Variants in LINGO2 observed in about 807,000 individuals in gnomAD.
LINGO2 encodes leucine rich repeat and Ig domain containing 2, also known as leucine-rich repeat and immunoglobulin-like domain-containing nogo receptor-interacting protein 2.
In LINGO2, 14 loss-of-function variants were observed where a neutral mutation model predicts 30.6. The ratio of observed to expected loss-of-function variants is 0.46; its 90% CI spans 0.30 to 0.72. LINGO2 has a LOEUF of 0.72. Among genes scored for constraint, LINGO2 ranks in the 30% least tolerant of loss-of-function variants. The probability of loss-of-function intolerance (pLI) is 0.07; values close to 1 mark genes in which losing one functional copy is unlikely to be tolerated. For synonymous variants in LINGO2, 317 were observed against 288.5 expected (o/e 1.10, Z -1.00); for missense variants, 729 against 751.7 (o/e 0.97, Z 0.35).
the LINGO2 span, among the ~76,000 whole-genome samples, chr9:28,744,092 C>CTATA: frequency 7.6e-6 from 1 of 132,112 alleles, no homozygotes; most frequent in Non-Finnish European, 1.6e-5. Flanking sequence ...TCTTGAACTC[C>CTATA]TATATATATA....
chr9:28,477,484 T>G (rs1262138371), intron 1 of LINGO2, among the ~76,000 whole-genome samples: 1 of 152,176 alleles, frequency 6.6e-6, no homozygotes, highest in African/African-American at 2.4e-5. Context: ...TGACCCAAAT[T>G]GAAATTCTCC....
chr9:28,018,884 C>A (rs1361712990), intron 4 of LINGO2, among the ~76,000 whole-genome samples: 1 of 152,102 alleles, frequency 6.6e-6, no homozygotes, highest in East Asian at 1.9e-4. Context: ...GATACATGCA[C>A]ACATATTCAT....
chr9:28,603,126 A>G (rs746350260), intron 1 of LINGO2, among the ~76,000 whole-genome samples: 3 of 152,106 alleles, frequency 2.0e-5, no homozygotes, highest in Non-Finnish European at 4.4e-5. Flanking sequence ...GTTTAAAATG[A>G]AAATACAGGA....
At position 28,387,552 on chromosome 9, in the gene LINGO2, C is replaced by G. The variant is rs57029580; in HGVS notation, c.-278-14684G>C. Among the ~76,000 whole-genome samples, 6 of 152,340 alleles carry G rather than the reference C, an allele frequency of 3.9e-5. No homozygotes were observed. The East Asian group carries it at 1.2e-3, about 29-fold the overall frequency. On this transcript the variant is annotated intron_variant, in intron 2 of 5. Coordinates refer to ENST00000379992, the Ensembl canonical transcript of LINGO2. ...TTGCAATAAATCTTGGTGCTGCTCA[C>G]TCTTTGGGTCCACACAGTCTTTATG...
the LINGO2 span, among the ~76,000 whole-genome samples, chr9:29,074,732 C>T: frequency 7.6e-6 from 1 of 131,862 alleles, no homozygotes; most frequent in East Asian, 2.3e-4. Flanking sequence ...CTCGCCCAGG[C>T]TGGAGGGCAG....
intron 4 of LINGO2, among the ~76,000 whole-genome samples, chr9:28,034,356 C>T (rs1465083946): frequency 2.0e-5 from 3 of 152,140 alleles, no homozygotes; most frequent in Non-Finnish European, 2.9e-5. Context: ...GAATGTTTCC[C>T]GAGAAGCCCG....
rs12005652 is a variant in LINGO2, at chr9:28,651,918, T to A, written c.-365+18282A>T. On this transcript the variant is annotated intron_variant, in intron 1 of 5. Coordinates refer to ENST00000379992, the Ensembl canonical transcript of LINGO2. ...ACTGGTTTATTACCTTTGTGCACAA[T>A]GTATTCTTTAACTTTATTTACTTGT... Among the ~76,000 whole-genome samples the A allele has an allele frequency of 8.1e-3, 1,239 of 152,234 alleles. 23 individuals are homozygous for A. The highest frequency in any genetic ancestry group is 0.029 in the African/African-American group (1,194 of 41,540).
the LINGO2 span, among the ~76,000 whole-genome samples, chr9:29,070,152 CTTCTA>C: frequency 2.0e-5 from 3 of 151,906 alleles, no homozygotes; most frequent in Admixed American, 2.0e-4. Context: ...CTCCTATTAT[CTTCTA>C]TTAGACTCCC....
At chr9:28,090,752 T>C (rs886523805) in intron 4 of LINGO2, among the ~76,000 whole-genome samples, 2 of 152,042 alleles carry the variant, frequency 1.3e-5, no homozygotes, top group African/African-American at 4.8e-5. Flanking sequence ...GGGTATTCAA[T>C]TAGGAAAAGA....
chr9:28,162,631 G>A (rs573663985), intron 4 of LINGO2, among the ~76,000 whole-genome samples: 14 of 152,150 alleles, frequency 9.2e-5, no homozygotes, highest in African/African-American at 3.4e-4. Context: ...TACTTACTAT[G>A]GATTCAAATT....
At chr9:28,764,167 T>A in the LINGO2 span, among the ~76,000 whole-genome samples, 151,405 of 151,766 alleles carry the variant, frequency 1, 75,530 homozygotes, top group Middle Eastern at 1. Flanking sequence ...TTTTTAACTC[T>A]TCTTACAAGG....
the LINGO2 span, among the ~76,000 whole-genome samples, chr9:28,875,102 G>C: frequency 1.6e-3 from 243 of 152,158 alleles, no homozygotes; most frequent in African/African-American, 5.6e-3. Flanking sequence ...ACTTTGCTTT[G>C]ACAGCAAGAA....
the LINGO2 span, among the ~76,000 whole-genome samples, chr9:28,762,376 T>C: frequency 2.6e-5 from 4 of 151,924 alleles, no homozygotes; most frequent in South Asian, 8.3e-4. Context: ...TAATTCCATT[T>C]TACTCCCCCA....
intron 3 of LINGO2, among the ~76,000 whole-genome samples, chr9:28,334,992 A>G (rs1254397997): frequency 6.6e-6 from 1 of 152,160 alleles, no homozygotes; most frequent in Non-Finnish European, 1.5e-5. Context: ...CAGGGTTAGA[A>G]ATTAAGTTAC....
At chr9:28,667,599 C>T (rs1244198568) in intron 1 of LINGO2, among the ~76,000 whole-genome samples, 1 of 151,998 alleles carries the variant, frequency 6.6e-6, no homozygotes, top group African/African-American at 2.4e-5. Flanking sequence ...CAAAAATTAG[C>T]TGGGCATGGT....
chr9:28,765,337 A>G, the LINGO2 span, among the ~76,000 whole-genome samples: 230 of 152,224 alleles, frequency 1.5e-3, no homozygotes, highest in Non-Finnish European at 2.3e-3. Context: ...AGAGCCAAGA[A>G]TAAAACCCAA....
the LINGO2 span, among the ~76,000 whole-genome samples, chr9:28,806,658 T>C: frequency 6.6e-6 from 1 of 152,112 alleles, no homozygotes; most frequent in South Asian, 2.1e-4. Flanking sequence ...AACATAACCA[T>C]AGTTATCATC....
the LINGO2 span, among the ~76,000 whole-genome samples, chr9:28,826,004 T>C: frequency 1.3e-5 from 2 of 152,218 alleles, no homozygotes. Context: ...TTTTGCATAA[T>C]GCCAAGGCAC....
intron 4 of LINGO2, among the ~76,000 whole-genome samples, chr9:28,196,670 T>C (rs1243242875): frequency 6.6e-6 from 1 of 151,990 alleles, no homozygotes; most frequent in African/African-American, 2.4e-5. Flanking sequence ...ATCAGTTCTC[T>C]TAAATCAATT....
Sources: gnomAD v4.1 joint callset for allele counts (sites outside exome capture counted in the v4.1 genomes callset) on GRCh38, gnomAD v4.1.1 for gene constraint, MANE v1.5 for transcripts, NCBI Gene and HGNC (gene_info 2026-07-23, HGNC 2026-07-21) for gene names.